The following CAP2 variants were observed in gnomAD, a reference collection of about 807,000 sequenced individuals.
The protein encoded by CAP2 is adenylyl cyclase-associated protein 2.
CAP2 carries 24 observed loss-of-function variants against 57.7 expected under a neutral mutation model. The observed-to-expected ratio is 0.42, with a 90% CI of 0.30 to 0.58. The LOEUF (loss-of-function observed/expected upper bound fraction) is 0.58, where lower values mean the gene tolerates loss of function less well. CAP2 is among the 20% of genes least tolerant of loss of function. The pLI is 0.22. For synonymous variants in CAP2, 194 were observed against 207.2 expected (o/e 0.94, Z 0.55); for missense variants, 501 against 590.3 (o/e 0.85, Z 1.57).
intron 3 of CAP2, among the ~76,000 whole-genome samples, chr6:17,446,505 C>T (rs576906352): frequency 1.3e-5 from 2 of 152,156 alleles, no homozygotes; most frequent in Admixed American, 6.5e-5. Flanking sequence ...TGAGGATAAC[C>T]GAGTAGGAAT....
chr6:17,458,444 C>T (rs1717896136), intron 3 of CAP2, among the ~76,000 whole-genome samples: 1 of 152,102 alleles, frequency 6.6e-6, no homozygotes, highest in African/African-American at 2.4e-5. Context: ...ATTTTCTTCT[C>T]AGTGGGAAAA....
chr6:17,397,694 C>CAA (rs554131865), intron 1 of CAP2, among the ~76,000 whole-genome samples: 1,588 of 70,180 alleles, frequency 0.023, 88 homozygotes, highest in African/African-American at 0.065. Flanking sequence ...GACTCCATAT[C>CAA]AAAAAAAAAA....
chr6:17,469,831 C>T (rs1760972303), intron 4 of CAP2, among the ~76,000 whole-genome samples: 1 of 152,166 alleles, frequency 6.6e-6, no homozygotes, highest in South Asian at 2.1e-4. Context: ...CCAGCACAGT[C>T]CTCCGCTCAG....
At chr6:17,406,939 A>G (rs1049485341) in intron 1 of CAP2, among the ~76,000 whole-genome samples, 9 of 152,162 alleles carry the variant, frequency 5.9e-5, no homozygotes, top group African/African-American at 2.2e-4. Flanking sequence ...ACCCTGAAGA[A>G]AAAAATGAGA....
At chr6:17,447,044 G>C (rs916227342) in intron 3 of CAP2, among the ~76,000 whole-genome samples, 1 of 151,968 alleles carries the variant, frequency 6.6e-6, no homozygotes, top group Non-Finnish European at 1.5e-5. Flanking sequence ...AATTTAAGAG[G>C]CAGAGTCTCC....
rs1241447331 is a variant in CAP2, at chr6:17,524,648, G to A, written c.636+10694G>A. Among the ~76,000 whole-genome samples, 6 of 152,250 alleles carry A rather than the reference G, an allele frequency of 3.9e-5. No homozygotes were observed. In the East Asian group the frequency reaches 1.2e-3, roughly 29 times the overall value. On this transcript the variant is annotated intron_variant, in intron 7 of 12. Coordinates refer to ENST00000229922, the MANE Select transcript of CAP2 (RefSeq NM_006366.3). Reference sequence around the variant, plus strand: ...ATTCAGAAAGTTCTAGAAAAGAGGTGATAACTTCCAGGTCATTGCCATGGA... The same window carrying A: ...ATTCAGAAAGTTCTAGAAAAGAGGTAATAACTTCCAGGTCATTGCCATGGA...
In CAP2 at chr6:17,475,560, T is replaced by C. The variant is rs538131586; in HGVS notation, c.300+12487T>C. Among the ~76,000 whole-genome samples, 4 of 152,302 alleles carry C rather than the reference T, an allele frequency of 2.6e-5. No individual in the cohort carries two copies. The East Asian group carries it at 7.7e-4, about 29-fold the overall frequency. On this transcript the variant is annotated intron_variant, in intron 4 of 12. Coordinates refer to ENST00000229922, the MANE Select transcript of CAP2 (RefSeq NM_006366.3). Reference sequence around the variant, plus strand: ...TGGTTCATTTCTAGATGTGTGGCGCTAACGATGAGAAATGACGGCAACCAG... The same window carrying C: ...TGGTTCATTTCTAGATGTGTGGCGCCAACGATGAGAAATGACGGCAACCAG...
At chr6:17,484,334 C>T (rs1030355698) in intron 4 of CAP2, among the ~76,000 whole-genome samples, 2 of 152,122 alleles carry the variant, frequency 1.3e-5, no homozygotes, top group African/African-American at 4.8e-5. Flanking sequence ...CACGCAAGGC[C>T]TTGTCACAAG....
At chr6:17,461,425 C>T (rs1760717535) in intron 3 of CAP2, among the ~76,000 whole-genome samples, 1 of 151,882 alleles carries the variant, frequency 6.6e-6, no homozygotes, top group Admixed American at 6.6e-5. Context: ...CAGGGTTTCA[C>T]CATGTTGGCC....
At chr6:17,492,390 G>A (rs762058948) in intron 4 of CAP2, among the ~76,000 whole-genome samples, 12 of 152,210 alleles carry the variant, frequency 7.9e-5, no homozygotes, top group South Asian at 6.2e-4. Context: ...GATTGGTGAG[G>A]CACCAGAGGG....
At chr6:17,479,433 C>T (rs79289394) in intron 4 of CAP2, among the ~76,000 whole-genome samples, 2,113 of 151,938 alleles carry the variant, frequency 0.014, 47 homozygotes, top group African/African-American at 0.047. Context: ...AACTTCACTT[C>T]ATTCCCATTT....
Position 17,430,711 on chromosome 6 carries a change from G to A in CAP2, c.222+4021G>A, listed in dbSNP as rs138629584. Among the ~76,000 whole-genome samples the A allele has an allele frequency of 1.2e-4, 18 of 152,122 alleles. No individual in the cohort carries two copies. In the East Asian group the frequency reaches 3.3e-3, roughly 28 times the overall value. On this transcript the variant is annotated intron_variant, in intron 3 of 12. Coordinates refer to ENST00000229922, the MANE Select transcript of CAP2 (RefSeq NM_006366.3). ...ACGCCACTACGTCTGGCTAATTTTT[G>A]TATTTTTCGTAGAGACGGGGTTTTA...
At chr6:17,450,340 A>G (rs1019381249) in intron 3 of CAP2, among the ~76,000 whole-genome samples, 1 of 152,124 alleles carries the variant, frequency 6.6e-6, no homozygotes, top group African/African-American at 2.4e-5. Context: ...GTGAGCCACC[A>G]CGCCCGGCTC....
At chr6:17,538,484 A>C (rs1241064064) in intron 7 of CAP2, among the ~76,000 whole-genome samples, 1 of 152,116 alleles carries the variant, frequency 6.6e-6, no homozygotes, top group Non-Finnish European at 1.5e-5. Context: ...GAACTAAAGC[A>C]AGTCTCTCTC....
chr6:17,500,273 G>A (rs1010317955), intron 4 of CAP2, among the ~76,000 whole-genome samples: 1 of 141,478 alleles, frequency 7.1e-6, no homozygotes. Context: ...AATTGCTGCT[G>A]ACTTTAAATG....
At chr6:17,478,440 T>C (rs1761211243) in intron 4 of CAP2, among the ~76,000 whole-genome samples, 1 of 151,756 alleles carries the variant, frequency 6.6e-6, no homozygotes, top group African/African-American at 2.4e-5. Context: ...GTCACCGCAC[T>C]GGGCCTCTCA....
At chr6:17,521,714 G>C (rs1265813251) in intron 7 of CAP2, among the ~76,000 whole-genome samples, 1 of 152,026 alleles carries the variant, frequency 6.6e-6, no homozygotes, top group East Asian at 1.9e-4. Flanking sequence ...TCCACACAAG[G>C]CATGACGCTT....
At chr6:17,546,572 GC>G (rs1302273577) in intron 11 of CAP2, among the ~76,000 whole-genome samples, 2 of 152,044 alleles carry the variant, frequency 1.3e-5, no homozygotes, top group Non-Finnish European at 2.9e-5. Flanking sequence ...GTCAATTTTG[GC>G]TTTTGTTGCC....
At chr6:17,443,130 T>C (rs932510385) in intron 3 of CAP2, among the ~76,000 whole-genome samples, 1 of 152,162 alleles carries the variant, frequency 6.6e-6, no homozygotes, top group Non-Finnish European at 1.5e-5. Flanking sequence ...CACGCACCTG[T>C]AGCCCTGGCT....
Sources: allele counts gnomAD v4.1 joint callset (sites outside exome capture counted in the v4.1 genomes callset), GRCh38; gene constraint gnomAD v4.1.1; transcripts MANE v1.5; gene names NCBI Gene and HGNC (gene_info 2026-07-23, HGNC 2026-07-21).